RIT2: variants seen among roughly 807,000 people sequenced by gnomAD.
RIT2 encodes the protein GTP-binding protein Rit2.
Under a neutral mutation model 23.7 loss-of-function variants are expected in RIT2, and 24 were observed. That is an observed-to-expected ratio of 1.01 (90% CI 0.73 to 1.43). The LOEUF (loss-of-function observed/expected upper bound fraction) is 1.43, where lower values mean the gene tolerates loss of function less well. Ranked by LOEUF, RIT2 falls within the 40% of genes most tolerant of loss-of-function variation. The pLI is 0.00. For missense variants in RIT2, 236 were observed against 266.9 expected (o/e 0.88, Z 0.81); for synonymous variants, 107 against 91.1 (o/e 1.17, Z -0.99).
intron 4 of RIT2, among the ~76,000 whole-genome samples, chr18:42,890,491 AGGAGGGAG>A (rs907417492): frequency 1.4e-5 from 2 of 140,322 alleles, no homozygotes; most frequent in African/African-American, 5.1e-5. Flanking sequence ...GAGGGAGTCA[AGGAGGGAG>A]GGAGGGAGGG....
intron 2 of RIT2, among the ~76,000 whole-genome samples, chr18:42,993,159 A>C (rs1910895175): frequency 6.6e-6 from 1 of 152,196 alleles, no homozygotes; most frequent in Non-Finnish European, 1.5e-5. Flanking sequence ...CAAGTGCCAG[A>C]AATCTGGCCA....
chr18:43,059,176 G>A (rs1027314365), intron 1 of RIT2, among the ~76,000 whole-genome samples: 1 of 151,922 alleles, frequency 6.6e-6, no homozygotes, highest in Non-Finnish European at 1.5e-5. Flanking sequence ...TATTTATTGA[G>A]GACATACAAT....
intron 2 of RIT2, among the ~76,000 whole-genome samples, chr18:43,027,383 T>G (rs1288505375): frequency 2.6e-5 from 4 of 152,100 alleles, no homozygotes; most frequent in Admixed American, 6.6e-5. Context: ...TAAGAAGTGA[T>G]TCACAAAAAG....
intron 3 of RIT2, among the ~76,000 whole-genome samples, chr18:42,939,626 A>T (rs1039328778): frequency 2.6e-5 from 4 of 152,072 alleles, no homozygotes; most frequent in Non-Finnish European, 4.4e-5. Context: ...TTCAAGTTTT[A>T]AAATTTTGTT....
chr18:42,928,111 T>C (rs1002308100), intron 3 of RIT2, among the ~76,000 whole-genome samples: 5 of 152,004 alleles, frequency 3.3e-5, no homozygotes, highest in Non-Finnish European at 5.9e-5. Context: ...TTTGGCCATC[T>C]CTTTAATAAA....
chr18:42,887,371 A>G (rs1908049580), intron 4 of RIT2, among the ~76,000 whole-genome samples: 1 of 152,196 alleles, frequency 6.6e-6, no homozygotes, highest in African/African-American at 2.4e-5. Flanking sequence ...TGCATATGTG[A>G]TTTCATGGTA....
intron 4 of RIT2, among the ~76,000 whole-genome samples, chr18:42,863,045 T>C (rs199609123): frequency 3.6e-4 from 55 of 151,822 alleles, no homozygotes; most frequent in African/African-American, 1.3e-3. Context: ...TTTTTTTTTT[T>C]CCTCTGTCTT....
chr18:42,834,535 T>C (rs1906546061), intron 4 of RIT2, among the ~76,000 whole-genome samples: 1 of 152,092 alleles, frequency 6.6e-6, no homozygotes, highest in African/African-American at 2.4e-5. Context: ...TCATACTCTC[T>C]GTCTCTCTCT....
intron 2 of RIT2, among the ~76,000 whole-genome samples, chr18:42,977,427 G>A (rs1453006023): frequency 6.6e-6 from 1 of 151,956 alleles, no homozygotes; most frequent in Non-Finnish European, 1.5e-5. Context: ...TCGGATTTTG[G>A]CACAACTCAA....
intron 1 of RIT2, among the ~76,000 whole-genome samples, chr18:43,112,788 C>A (rs752572707): frequency 2.5e-4 from 38 of 151,934 alleles, no homozygotes; most frequent in Non-Finnish European, 3.7e-4. Flanking sequence ...TAAAAAATCT[C>A]CAAGATTTTA....
intron 1 of RIT2, among the ~76,000 whole-genome samples, chr18:43,072,214 G>A (rs1050223262): frequency 1.3e-5 from 2 of 152,034 alleles, no homozygotes; most frequent in Non-Finnish European, 2.9e-5. Context: ...CCAAACTCCT[G>A]ACCTCAGGTG....
chr18:42,770,412 G>A (rs1913523979), intron 4 of RIT2, among the ~76,000 whole-genome samples: 2 of 152,148 alleles, frequency 1.3e-5, no homozygotes, highest in Admixed American at 1.3e-4. Flanking sequence ...AAAGTTGATG[G>A]AACAGGAAGG....
intron 1 of RIT2, 106 bp downstream of exon 1, chr18:43,115,311 G>T: frequency 2.8e-6 from 4 of 1,411,258 alleles, no homozygotes; most frequent in Non-Finnish European, 2.9e-6. Flanking sequence ...GTGTTTAACT[G>T]CCACAGTTCA....
At chr18:42,950,755 A>T (rs1265451937) in intron 3 of RIT2, among the ~76,000 whole-genome samples, 4 of 150,350 alleles carry the variant, frequency 2.7e-5, no homozygotes, top group African/African-American at 7.4e-5. Flanking sequence ...ACAGACATTT[A>T]AAAAAAAATG....
At chr18:42,992,459 C>G (rs760177216) in intron 2 of RIT2, among the ~76,000 whole-genome samples, 8 of 152,138 alleles carry the variant, frequency 5.3e-5, no homozygotes, top group Non-Finnish European at 7.3e-5. Context: ...TTCCCTCCCA[C>G]CTGTCCCCTC....
chr18:42,907,920 G>A (rs1908665712), intron 4 of RIT2, among the ~76,000 whole-genome samples: 1 of 151,678 alleles, frequency 6.6e-6, no homozygotes, highest in Admixed American at 6.6e-5. Context: ...TATAGAGGTT[G>A]TAGTGAGCTA....
intron 3 of RIT2, among the ~76,000 whole-genome samples, chr18:42,925,881 A>G (rs1207291048): frequency 6.6e-6 from 1 of 151,760 alleles, no homozygotes; most frequent in Non-Finnish European, 1.5e-5. Context: ...ACTATTCTAT[A>G]TAAGTATATA....
At chr18:42,823,725 GT>G (rs1456390782) in intron 4 of RIT2, among the ~76,000 whole-genome samples, 1 of 152,086 alleles carries the variant, frequency 6.6e-6, no homozygotes, top group Non-Finnish European at 1.5e-5. Flanking sequence ...TACACCAGAA[GT>G]TTTATATTCA....
intron 4 of RIT2, among the ~76,000 whole-genome samples, chr18:42,917,771 C>T (rs1445774394): frequency 6.6e-6 from 1 of 152,102 alleles, no homozygotes; most frequent in Non-Finnish European, 1.5e-5. Flanking sequence ...TAAGCTAAAT[C>T]CAATTGTGAA....
Sources: allele counts gnomAD v4.1 joint callset (sites outside exome capture counted in the v4.1 genomes callset), GRCh38; gene constraint gnomAD v4.1.1; transcripts MANE v1.5; gene names NCBI Gene and HGNC (gene_info 2026-07-23, HGNC 2026-07-21).